Variants in TSPAN9 observed in about 807,000 individuals in gnomAD.
The protein encoded by TSPAN9 is tetraspanin 9.
A neutral mutation model predicts 31.0 loss-of-function variants in TSPAN9; 16 were observed. That is an observed-to-expected ratio of 0.52 (90% CI 0.35 to 0.78). The LOEUF (loss-of-function observed/expected upper bound fraction) is 0.78. Ranked by LOEUF, TSPAN9 falls within the 30% of genes least tolerant of loss-of-function variation. TSPAN9 has a pLI of 0.01. For missense variants in TSPAN9, 272 were observed against 312.5 expected (o/e 0.87, Z 0.98); for synonymous variants, 145 against 121.6 (o/e 1.19, Z -1.27).
chr12:3,245,617 C>A (rs1862108338), intron 3 of TSPAN9, among the ~76,000 whole-genome samples: 1 of 152,140 alleles, frequency 6.6e-6, no homozygotes, highest in South Asian at 2.1e-4. Context: ...GGCCTCCTTG[C>A]AGTATATCGG....
chr12:3,102,435 A>ATTTTTTTTTTT (rs33918863), intron 2 of TSPAN9, among the ~76,000 whole-genome samples: 2 of 135,268 alleles, frequency 1.5e-5, no homozygotes, highest in African/African-American at 5.7e-5. Context: ...CCAAGGAGGA[A>ATTTTTTTTTTT]TTTTTTTTTT....
intron 2 of TSPAN9, among the ~76,000 whole-genome samples, chr12:3,106,094 GCACA>G (rs554976058): frequency 7.2e-5 from 11 of 152,112 alleles, no homozygotes; most frequent in Non-Finnish European, 1.2e-4. Flanking sequence ...GTGCGCGCAC[GCACA>G]CACACACATG....
At chr12:3,204,931 A>T (rs1055726391) in intron 3 of TSPAN9, among the ~76,000 whole-genome samples, 3 of 152,126 alleles carry the variant, frequency 2.0e-5, no homozygotes, top group Admixed American at 2.0e-4. Flanking sequence ...AGATTAAATG[A>T]TTCTAAGCCC....
At chr12:3,221,710 C>G (rs979587457) in intron 3 of TSPAN9, among the ~76,000 whole-genome samples, 1 of 151,992 alleles carries the variant, frequency 6.6e-6, no homozygotes, top group Non-Finnish European at 1.5e-5. Flanking sequence ...GGCTGGAATC[C>G]AGTGGCATAA....
At chr12:3,131,064 G>A (rs748840141) in intron 2 of TSPAN9, among the ~76,000 whole-genome samples, 19 of 151,732 alleles carry the variant, frequency 1.3e-4, no homozygotes, top group Non-Finnish European at 1.3e-4. Flanking sequence ...CTCCTTTGAC[G>A]GGGTACACAC....
Position 3,245,585 on chromosome 12 carries a change from C to T in TSPAN9, c.64-32836C>T, listed in dbSNP as rs149899498. On this transcript the variant is annotated intron_variant, in intron 3 of 8. Coordinates refer to ENST00000011898, the MANE Select transcript of TSPAN9 (RefSeq NM_006675.5). ...GTAAACTGAGGAGGGAGAAGCCTGC[C>T]TGCCCCGTGTCCTCTCTGCCTGGCC... Among the ~76,000 whole-genome samples, 955 of 152,274 alleles carry T rather than the reference C, an allele frequency of 6.3e-3. 11 individuals carry two copies. The highest frequency in any genetic ancestry group is 0.021 in the African/African-American group (882 of 41,554).
At chr12:3,159,356 T>G (rs911158467) in intron 2 of TSPAN9, among the ~76,000 whole-genome samples, 2 of 152,060 alleles carry the variant, frequency 1.3e-5, no homozygotes, top group Non-Finnish European at 2.9e-5. Flanking sequence ...TTCTAGGATT[T>G]GTGGATGGGG....
At chr12:3,257,338 C>G (rs74584831) in intron 3 of TSPAN9, among the ~76,000 whole-genome samples, 5,043 of 152,004 alleles carry the variant, frequency 0.033, 283 homozygotes, top group African/African-American at 0.12. Context: ...CAGGTCCTAC[C>G]CCATTTCCTC....
rs553491030 is a variant in TSPAN9 at position 3,147,551 on chromosome 12, C to G, written c.-17-53626C>G. On this transcript the variant is annotated intron_variant, in intron 2 of 8. Transcript: ENST00000011898. The surrounding 1 kb of genome is among the most constrained non-coding windows in gnomAD (Gnocchi z 4.3). The stretch of plus-strand genomic sequence containing the variant: ...GAGCCACCTAGGGCCTGTTCTGCCC[C>G]CGAAGAGAGAGAACCAGCCAGCCCA... 2.0e-5 allele frequency among the ~76,000 whole-genome samples: 3 copies of G among 152,270 alleles called. No individual in the cohort carries two copies. Among genetic ancestry groups the G allele is most frequent in the South Asian group, 4.1e-4 (2 of 4,824 alleles).
chr12:3,271,364 C>T (rs140191217), intron 3 of TSPAN9, among the ~76,000 whole-genome samples: 1,678 of 152,238 alleles, frequency 0.011, 14 homozygotes, highest in Middle Eastern at 0.034. Flanking sequence ...GAGCTCAGAA[C>T]GTAGGAGGGG....
chr12:3,141,183 G>A (rs1004994647), intron 2 of TSPAN9, among the ~76,000 whole-genome samples: 10 of 152,050 alleles, frequency 6.6e-5, no homozygotes, highest in South Asian at 2.1e-4. Context: ...CAAATACCCC[G>A]TGTCAGGAGG....
intron 2 of TSPAN9, among the ~76,000 whole-genome samples, chr12:3,176,670 CTCTATTCTGGGCCCTCG>C (rs1461151681): frequency 1.3e-5 from 2 of 152,336 alleles, no homozygotes; most frequent in African/African-American, 2.4e-5. Flanking sequence ...GTGGCTCAGA[CTCTATTCTGGGCCCTCG>C]TCTCAGCGAA....
chr12:3,259,079 A>G (rs946647757), intron 3 of TSPAN9, among the ~76,000 whole-genome samples: 1 of 152,228 alleles, frequency 6.6e-6, no homozygotes, highest in East Asian at 1.9e-4. Context: ...TGTACTGAGC[A>G]TGGTGCTTAT....
intron 3 of TSPAN9, among the ~76,000 whole-genome samples, chr12:3,272,469 C>G (rs975689590): frequency 1.4e-4 from 21 of 151,820 alleles, no homozygotes; most frequent in African/African-American, 5.1e-4. Flanking sequence ...GGATAAGACA[C>G]AAACCTGGGT....
chr12:3,116,709 G>A (rs1389679886), intron 2 of TSPAN9, among the ~76,000 whole-genome samples: 3 of 152,138 alleles, frequency 2.0e-5, no homozygotes, highest in Non-Finnish European at 4.4e-5. Context: ...CTGCCTTTCC[G>A]GAGCCATCCT....
chr12:3,094,160 C>A (rs997053571), intron 2 of TSPAN9, among the ~76,000 whole-genome samples: 1 of 152,156 alleles, frequency 6.6e-6, no homozygotes, highest in Admixed American at 6.5e-5. Flanking sequence ...GCCACCACGC[C>A]CAGCCCAGGA....
intron 3 of TSPAN9, among the ~76,000 whole-genome samples, chr12:3,277,097 C>T (rs1862803594): frequency 6.6e-6 from 1 of 152,188 alleles, no homozygotes; most frequent in Non-Finnish European, 1.5e-5. Flanking sequence ...GAGCTGGCCA[C>T]CCACTTCACG....
intron 3 of TSPAN9, among the ~76,000 whole-genome samples, chr12:3,241,776 C>A (rs1380113795): frequency 6.6e-6 from 1 of 152,178 alleles, no homozygotes; most frequent in Non-Finnish European, 1.5e-5. Context: ...CGGCTGGGCA[C>A]AGCGAGCCTG....
At chr12:3,205,407 C>A (rs1258034057) in intron 3 of TSPAN9, among the ~76,000 whole-genome samples, 3 of 152,170 alleles carry the variant, frequency 2.0e-5, no homozygotes, top group Non-Finnish European at 2.9e-5. Flanking sequence ...GAGGTCAGGG[C>A]CCTCGCAGAC....
Sources: allele counts gnomAD v4.1 joint callset (sites outside exome capture counted in the v4.1 genomes callset), GRCh38; gene constraint gnomAD v4.1.1; non-coding constraint Gnocchi (gnomAD v3.1); transcripts MANE v1.5; gene names NCBI Gene and HGNC (gene_info 2026-07-23, HGNC 2026-07-21).